The following HNRNPD variants were observed in gnomAD, a reference collection of about 807,000 sequenced individuals.
HNRNPD encodes heterogeneous nuclear ribonucleoprotein D, also known as heterogeneous nuclear ribonucleoprotein D0.
Under a neutral mutation model 47.9 loss-of-function variants are expected in HNRNPD, and 3 were observed. The ratio of observed to expected loss-of-function variants is 0.06; its 90% CI spans 0.03 to 0.16. HNRNPD has a LOEUF of 0.16. Ranked by LOEUF, HNRNPD falls within the 10% of genes least tolerant of loss-of-function variation. The pLI, the probability that HNRNPD is intolerant of heterozygous loss-of-function variation, is 1.00. For missense variants in HNRNPD, 287 were observed against 454.2 expected (o/e 0.63, Z 3.35); for synonymous variants, 171 against 165.1 (o/e 1.04, Z -0.28).
Position 82,353,998 on chromosome 4 carries a change from T to C in HNRNPD, c.*187A>G, listed in dbSNP as rs1723616863. 6.6e-6 allele frequency: 1 copy of C among 152,648 alleles called. No individual in the cohort carries two copies. Among genetic ancestry groups the C allele is most frequent in the Non-Finnish European group, 1.5e-5 (1 of 68,038 alleles). 9.5% of individuals were successfully genotyped at this position (152,648 alleles called of 1,614,324 possible). ...AAGAAATAAAACAATGAAAGCAAAT[T>C]TCTTTTAATGAGAACTCAGAATTAA... On this transcript the variant is annotated 3_prime_UTR_variant, in exon 9 of 9. Transcript: ENST00000313899.
At position 82,373,633 on chromosome 4, in the gene HNRNPD, T is replaced by C. The variant is rs1560442190; in HGVS notation, c.46A>G (p.Thr16Ala). ...CCCGCCGAGCCGCCTACCGCCGCCG[T>C]TGCCGCTGCCGCCGCCCCGTCCCCG... ...FGGDGAAAAATAAVGGSAGEQ... is the reference protein window; with the variant it reads ...FGGDGAAAAAAAAVGGSAGEQ... The change falls in exon 1 of 9, where the codon ACG (threonine) becomes GCG (alanine). Residue 16 changes from threonine to alanine, a missense_variant. By Grantham distance (58) the Thr-to-Ala change is moderately conservative. This residue lies in a region of HNRNPD where 161 missense variants were observed against 137.1 expected (regional missense o/e 1.17). Coordinates refer to ENST00000313899, the MANE Select transcript of HNRNPD (RefSeq NM_031370.3). 6.6e-7 allele frequency: 1 copy of C among 1,526,176 alleles called. No homozygotes were observed. Among genetic ancestry groups the C allele is most frequent in the African/African-American group, 1.4e-5 (1 of 70,950 alleles). The allele number at this position is 1,526,176 out of a possible 1,614,324, so 94.5% of individuals were successfully genotyped here. A position where few individuals can be genotyped will look rare whatever the true frequency, so the allele number is the denominator to read the frequency against.
chr4:82,357,412 CTTG>C lies in HNRNPD; in HGVS notation c.651_653del (p.Asn217del). On this transcript the variant is annotated inframe_deletion, in exon 5 of 9. Transcript: ENST00000313899. The stretch of plus-strand genomic sequence containing the variant: ...AGCAGAACCCACGCCTCTTATTGGT[CTTG>C]TTGTCCATGGGGAGCTCTATGGATT... 1 of 1,613,006 alleles carries C rather than the reference CTTG, an allele frequency of 6.2e-7. No individual in the cohort carries two copies. The highest frequency in any genetic ancestry group is 8.5e-7 in the Non-Finnish European group (1 of 1,179,658).
chr4:82,359,911 T>C (rs762360115), intron 2 of HNRNPD, among the ~76,000 whole-genome samples: 1 of 152,126 alleles, frequency 6.6e-6, no homozygotes, highest in South Asian at 2.1e-4. Context: ...AAAAATACTG[T>C]ACATAAAAGT....
Position 82,373,579 on chromosome 4 carries a change from TCGC to T in HNRNPD, c.97_99del (p.Ala33del), listed in dbSNP as rs1004476401. The T allele has an allele frequency of 1.3e-6, 2 of 1,535,802 alleles. No individual in the cohort carries two copies. Among genetic ancestry groups the T allele is most frequent in the African/African-American group, 1.4e-5 (1 of 71,192 alleles). On this transcript the variant is annotated inframe_deletion, in exon 1 of 9. Transcript: ENST00000313899. Reference sequence around the variant, plus strand: ...CCCGCCGCCGCCGCTGCCCCCTGTGTCGCCGCCACCATGGCTCCCTCCTGCTCG... The same window carrying T: ...CCCGCCGCCGCCGCTGCCCCCTGTGTCGCCACCATGGCTCCCTCCTGCTCG...
chr4:82,352,785 G>A lies in HNRNPD; in HGVS notation c.*1400C>T, dbSNP rs1346389785. 9.3e-6 allele frequency: 1 copy of A among 107,946 alleles called. No homozygotes were observed. The highest frequency in any genetic ancestry group is 1.9e-5 in the Non-Finnish European group (1 of 53,376). The allele number at this position is 107,946 out of a possible 1,614,324, so 6.7% of individuals were successfully genotyped here. A position where few individuals can be genotyped will look rare whatever the true frequency, so the allele number is the denominator to read the frequency against. ...AAACAGGACACAGGTCCTCAATTTG[G>A]ATCTATCATAAAAAAACTTTAATAA... is the stretch of plus-strand genomic sequence containing the variant. On this transcript the variant is annotated 3_prime_UTR_variant, in exon 9 of 9. Coordinates refer to ENST00000313899, the MANE Select transcript of HNRNPD (RefSeq NM_031370.3).
chr4:82,371,580 A>G lies in HNRNPD; in HGVS notation c.238T>C (p.Ser80Pro). The G allele has an allele frequency of 6.2e-7, 1 of 1,612,950 alleles. No homozygotes were observed. Among genetic ancestry groups the G allele is most frequent in the Non-Finnish European group, 8.5e-7 (1 of 1,179,148 alleles). ...TCAGAGTGTCGTGGGGAGGAGTTTG[A>G]ATGGCTAGGGAATTAACAACCGGTA... Reference protein sequence around the residue: ...ASKNEEDEGHSNSSPRHSEAA... With the variant: ...ASKNEEDEGHPNSSPRHSEAA... The change falls in exon 2 of 9, where the codon TCA becomes CCA. Residue 80 changes from serine (S) to proline (P), a missense_variant. By Grantham distance (74) the Ser-to-Pro change is moderately conservative (BLOSUM62 -1). This residue lies in a region of HNRNPD where 161 missense variants were observed against 137.1 expected (regional missense o/e 1.17). Coordinates refer to ENST00000313899, the MANE Select transcript of HNRNPD (RefSeq NM_031370.3).
At position 82,373,707 on chromosome 4, in the gene HNRNPD, A is replaced by G; in HGVS notation, c.-29T>C. On this transcript the variant is annotated 5_prime_UTR_variant, in exon 1 of 9. Coordinates refer to ENST00000313899, the MANE Select transcript of HNRNPD (RefSeq NM_031370.3). ...GCTAGTGTCTCCGCCGCTGCCGCCG[A>G]GACTACACCCGCCGCTGCCGCGAAC... 1.3e-6 allele frequency: 2 copies of G among 1,492,582 alleles called. No homozygotes were observed. The highest frequency in any genetic ancestry group is 2.1e-5 in the Admixed American group (1 of 47,512). 92.5% of individuals were successfully genotyped at this position (1,492,582 alleles called of 1,614,324 possible).
intron 2 of HNRNPD, among the ~76,000 whole-genome samples, chr4:82,368,452 A>G (rs1264418659): frequency 2.0e-5 from 3 of 152,226 alleles, no homozygotes; most frequent in Non-Finnish European, 2.9e-5. Flanking sequence ...CTCAAAAACA[A>G]GCACTGAAAA....
rs540685491 is a variant in HNRNPD at position 82,373,785 on chromosome 4, G to C, written c.-107C>G. 1.3e-6 allele frequency: 2 copies of C among 1,523,968 alleles called. No individual in the cohort carries two copies. The highest frequency in any genetic ancestry group is 1.4e-5 in the African/African-American group (1 of 71,398). The allele number at this position is 1,523,968 out of a possible 1,614,324, so 94.4% of individuals were successfully genotyped here. Reference sequence around the variant, plus strand: ...CGCTGCCGCGCGCCCGCTCTACCTCGCGAAGCACACAAGACAGGGAAGGCG... The same window carrying C: ...CGCTGCCGCGCGCCCGCTCTACCTCCCGAAGCACACAAGACAGGGAAGGCG... On this transcript the variant is annotated 5_prime_UTR_variant, in exon 1 of 9. Coordinates refer to ENST00000313899, the MANE Select transcript of HNRNPD (RefSeq NM_031370.3).
rs1291889092 is a variant in HNRNPD at position 82,357,337 on chromosome 4, T to C, written c.729A>G (p.Lys243=). ...EEPVKKIMEK[K]YHNVGLSKCE... ...CTTTACTAAGACCAACATTGTGGTA[T>C]TTCTTTTCCATTATCTTCTTCACTG... is the stretch of plus-strand genomic sequence containing the variant. The change falls in exon 5 of 9, where the codon AAA becomes AAG. Residue 243 remains lysine (K), a synonymous_variant. Transcript: ENST00000313899. 1.2e-5 allele frequency: 19 copies of C among 1,612,508 alleles called. No individual in the cohort carries two copies. The highest frequency in any genetic ancestry group is 1.6e-5 in the Non-Finnish European group (19 of 1,179,574).
chr4:82,365,771 A>ATT (rs80051188), intron 2 of HNRNPD, among the ~76,000 whole-genome samples: 3,015 of 106,284 alleles, frequency 0.028, 205 homozygotes, highest in African/African-American at 0.093. Flanking sequence ...GGCCCAGCTA[A>ATT]TTTTTTTTTT....
Position 82,373,741 on chromosome 4 carries a change from G to A in HNRNPD, c.-63C>T, listed in dbSNP as rs909615704. On this transcript the variant is annotated 5_prime_UTR_variant, in exon 1 of 9. Coordinates refer to ENST00000313899, the MANE Select transcript of HNRNPD (RefSeq NM_031370.3). ...CCGCCGCTGCCGCGAACCGAAACTA[G>A]CAGCAAAGTAATCCCCGCCGCTGCC... 19 of 1,525,974 alleles carry A rather than the reference G, an allele frequency of 1.2e-5. No individual in the cohort carries two copies. Among genetic ancestry groups the A allele is most frequent in the East Asian group, 2.5e-5 (1 of 39,802 alleles). The allele number at this position is 1,525,974 out of a possible 1,614,324, so 94.5% of individuals were successfully genotyped here. A position where few individuals can be genotyped will look rare whatever the true frequency, so the allele number is the denominator to read the frequency against.
intron 1 of HNRNPD, 173 bp downstream of exon 1, chr4:82,373,273 G>C (rs552827648): frequency 1.2e-6 from 1 of 862,960 alleles, no homozygotes; most frequent in African/African-American, 1.7e-5. Flanking sequence ...GGCAAAGGAA[G>C]AAGGAAATGA....
chr4:82,364,288 T>C (rs1719635924), intron 2 of HNRNPD, among the ~76,000 whole-genome samples: 1 of 152,184 alleles, frequency 6.6e-6, no homozygotes, highest in Admixed American at 6.5e-5. Context: ...ACTAATTGTG[T>C]AACATTAAGA....
At chr4:82,365,987 C>T (rs954536163) in intron 2 of HNRNPD, among the ~76,000 whole-genome samples, 12 of 151,900 alleles carry the variant, frequency 7.9e-5, no homozygotes, top group Admixed American at 5.9e-4. Flanking sequence ...ACACTTTAGT[C>T]AATAAAAATA....
intron 2 of HNRNPD, among the ~76,000 whole-genome samples, chr4:82,363,714 TA>T (rs1719605439): frequency 6.6e-6 from 1 of 152,206 alleles, no homozygotes; most frequent in African/African-American, 2.4e-5. Flanking sequence ...AGCTGTGAAC[TA>T]AATATTCAGC....
Position 82,355,374 on chromosome 4 carries a change from G to C in HNRNPD, c.1028C>G (p.Ser343Cys). 1 of 1,613,744 alleles carries C rather than the reference G, an allele frequency of 6.2e-7. No homozygotes were observed. The highest frequency in any genetic ancestry group is 1.7e-5 in the Admixed American group (1 of 60,016). ...SNQQSGYGKV[S>C]RRGGHQNSYK... is the part of the protein sequence containing the mutation. ...GCTATTTTGATGACCACCTCGCCTG[G>C]ATACCTTCCCATAACCACTCTGCTG... The change falls in exon 8 of 9, where the codon TCC (serine) becomes TGC (cysteine). Residue 343 changes from serine (S) to cysteine (C), a missense_variant. This residue lies in a region of HNRNPD where 65 missense variants were observed against 107.1 expected (regional missense o/e 0.61). Transcript: ENST00000313899.
intron 3 of HNRNPD, among the ~76,000 whole-genome samples, 200 bp downstream of exon 3, chr4:82,359,271 T>C (rs1723865919): frequency 6.6e-6 from 1 of 152,156 alleles, no homozygotes; most frequent in African/African-American, 2.4e-5. Flanking sequence ...TTTCAAAATT[T>C]AGCAGAGCCT....
intron 7 of HNRNPD, 120 bp downstream of exon 7, chr4:82,356,417 C>G: frequency 1.3e-6 from 1 of 750,450 alleles, no homozygotes; most frequent in Non-Finnish European, 2.2e-6. Context: ...TTTCAAGTTT[C>G]CAGGAATTTG....
Sources: gnomAD v4.1 joint callset for allele counts (sites outside exome capture counted in the v4.1 genomes callset) on GRCh38, gnomAD v4.1.1 for gene constraint, gnomAD v4.1.1 regional missense constraint, MANE v1.5 for transcripts, NCBI Gene and HGNC (gene_info 2026-07-23, HGNC 2026-07-21) for gene names.